ARIH2: variants seen among roughly 807,000 people sequenced by gnomAD.
ARIH2 encodes E3 ubiquitin-protein ligase ARIH2.
In ARIH2, 12 loss-of-function variants were observed where a neutral mutation model predicts 79.8. The observed-to-expected ratio is 0.15, with a 90% CI of 0.10 to 0.24. The LOEUF is 0.24. Among genes scored for constraint, ARIH2 ranks in the 10% least tolerant of loss-of-function variants. ARIH2 has a pLI of 1.00. For synonymous variants in ARIH2, 224 were observed against 213.9 expected (o/e 1.05, Z -0.41); for missense variants, 301 against 618.3 (o/e 0.49, Z 5.44).
chr3:48,941,013 C>CA (rs921476709), intron 3 of ARIH2, among the ~76,000 whole-genome samples: 17 of 147,888 alleles, frequency 1.1e-4, no homozygotes, highest in South Asian at 6.4e-4. Flanking sequence ...ACTGAAAATA[C>CA]AAAAAAAAAT....
At position 48,918,855 on chromosome 3, in the gene ARIH2, C is replaced by T. The variant is rs1267271495; in HGVS notation, c.-305C>T. ...CCAAGCACTTCCGGAGCTGTGGGGACGACTCTTCTGGAGGAAGCAGCGCGG... is the reference window on the plus strand; with the variant it reads ...CCAAGCACTTCCGGAGCTGTGGGGATGACTCTTCTGGAGGAAGCAGCGCGG... On this transcript the variant is annotated 5_prime_UTR_variant, in exon 1 of 16. It adds an upstream start codon to the 5' untranslated region. Coordinates refer to ENST00000356401, the MANE Select transcript of ARIH2 (RefSeq NM_006321.4). The T allele has an allele frequency of 5.6e-6, 9 of 1,610,860 alleles. No individual in the cohort carries two copies. The African/African-American group carries it at 8.0e-5, about 14-fold the overall frequency.
intron 1 of ARIH2, chr3:48,919,353 G>T (rs1576023897): frequency 4.9e-6 from 3 of 612,730 alleles, no homozygotes; most frequent in East Asian, 3.5e-5. Context: ...CTCTCGCAGC[G>T]CTGCCCGCGC....
chr3:48,980,578 T>C, intron 13 of ARIH2, 82 bp downstream of exon 13: 2 of 1,508,422 alleles, frequency 1.3e-6, no homozygotes, highest in Non-Finnish European at 1.8e-6. Context: ...GGAAGCTCTG[T>C]TGAAAGAGGG....
chr3:48,927,842 TC>T (rs764801893), intron 3 of ARIH2, 29 bp downstream of exon 3: 6 of 1,605,718 alleles, frequency 3.7e-6, no homozygotes, highest in Non-Finnish European at 4.3e-6. Context: ...TCCAGTGTAA[TC>T]CCCCCCAGTT....
intron 8 of ARIH2, among the ~76,000 whole-genome samples, chr3:48,971,054 T>C (rs910928237): frequency 2.6e-5 from 4 of 152,250 alleles, no homozygotes; most frequent in African/African-American, 9.6e-5. Context: ...AATCTTTCTC[T>C]GTCTTGGCCT....
intron 11 of ARIH2, among the ~76,000 whole-genome samples, chr3:48,977,406 A>T (rs947244768): frequency 6.6e-6 from 1 of 151,642 alleles, no homozygotes; most frequent in African/African-American, 2.4e-5. Flanking sequence ...CCCAGGTTCA[A>T]GCAATTATCC....
rs780942346 is a variant in ARIH2 at position 48,918,869 on chromosome 3, G to T, written c.-291G>T. The T allele has an allele frequency of 5.0e-6, 8 of 1,609,980 alleles. No homozygotes were observed. Among genetic ancestry groups the T allele is most frequent in the African/African-American group, 1.3e-5 (1 of 74,940 alleles). On this transcript the variant is annotated 5_prime_UTR_variant, in exon 1 of 16. Coordinates refer to ENST00000356401, the MANE Select transcript of ARIH2 (RefSeq NM_006321.4). ...AGCTGTGGGGACGACTCTTCTGGAG[G>T]AAGCAGCGCGGGCTTGACCGGCGTC...
rs1166521699 is a variant in ARIH2, at chr3:48,918,866, G to T, written c.-294G>T. On this transcript the variant is annotated 5_prime_UTR_variant, in exon 1 of 16. Transcript: ENST00000356401. ...CGGAGCTGTGGGGACGACTCTTCTG[G>T]AGGAAGCAGCGCGGGCTTGACCGGC... The T allele has an allele frequency of 1.2e-6, 2 of 1,610,392 alleles. No individual in the cohort carries two copies. Among genetic ancestry groups the T allele is most frequent in the Non-Finnish European group, 1.7e-6 (2 of 1,179,580 alleles).
At position 48,919,347 on chromosome 3, in the gene ARIH2, C is replaced by T. The variant is rs749416682; in HGVS notation, c.-162+349C>T. 5.0e-5 allele frequency: 32 copies of T among 641,642 alleles called. 1 individual carries two copies. The South Asian group carries it at 1.5e-3, about 31-fold the overall frequency. The allele number at this position is 641,642 out of a possible 1,614,324, so 39.7% of individuals were successfully genotyped here. A position where few individuals can be genotyped will look rare whatever the true frequency, so the allele number is the denominator to read the frequency against. On this transcript the variant is annotated intron_variant, in intron 1 of 15. Transcript: ENST00000356401. ...CACTCGAGTCATCTTTGGGAGCTCT[C>T]GCAGCGCTGCCCGCGCGGTTTAACG...
intron 3 of ARIH2, among the ~76,000 whole-genome samples, chr3:48,932,757 T>C (rs549141992): frequency 6.6e-6 from 1 of 152,188 alleles, no homozygotes; most frequent in East Asian, 1.9e-4. Flanking sequence ...GAAGTGAATG[T>C]TGTTCAGGGA....
At chr3:48,919,343 C>T in intron 1 of ARIH2, 1 of 664,672 alleles carries the variant, frequency 1.5e-6, no homozygotes, top group Non-Finnish European at 2.2e-6. Flanking sequence ...TCTTTGGGAG[C>T]TCTCGCAGCG....
In ARIH2 at chr3:48,982,931, C is replaced by A. The variant is rs749205332; in HGVS notation, c.1362C>A (p.Ile454=). ...EYQQAQLEAE[I]ENLSWKVERA... ...AGCAGGCTCAGCTGGAGGCTGAGAT[C>A]GAAAACCTCTCATGGAAAGTGGAGC... The change falls in exon 15 of 16, where the codon ATC becomes ATA. Residue 454 remains isoleucine (I), a synonymous_variant. Transcript: ENST00000356401. The A allele has an allele frequency of 3.1e-6, 5 of 1,614,044 alleles. No homozygotes were observed. In the South Asian group the frequency reaches 4.4e-5, roughly 14 times the overall value.
chr3:48,972,088 C>T (rs1421007397), intron 8 of ARIH2, among the ~76,000 whole-genome samples: 4 of 152,108 alleles, frequency 2.6e-5, no homozygotes, highest in East Asian at 1.9e-4. Context: ...ATGAGACTCC[C>T]GGAAGTGGGT....
chr3:48,946,108 G>A (rs529025289), intron 3 of ARIH2, among the ~76,000 whole-genome samples: 4 of 152,154 alleles, frequency 2.6e-5, no homozygotes, highest in Admixed American at 2.0e-4. Context: ...TGCTAACCAC[G>A]TCAGTAACAG....
At chr3:48,942,961 T>C (rs1272254216) in intron 3 of ARIH2, among the ~76,000 whole-genome samples, 1 of 152,002 alleles carries the variant, frequency 6.6e-6, no homozygotes, top group African/African-American at 2.4e-5. Context: ...CTAATTTTTG[T>C]ATTTATGGGG....
chr3:48,954,361 C>G (rs936403282), intron 3 of ARIH2, among the ~76,000 whole-genome samples: 4 of 151,378 alleles, frequency 2.6e-5, no homozygotes, highest in Non-Finnish European at 5.9e-5. Flanking sequence ...GGCGTGAACC[C>G]GGGAGGCAGA....
chr3:48,971,100 A>G (rs1387084360), intron 8 of ARIH2, among the ~76,000 whole-genome samples: 4 of 152,238 alleles, frequency 2.6e-5, no homozygotes, highest in Non-Finnish European at 5.9e-5. Context: ...AGTCATAAAT[A>G]TATTCTACAT....
chr3:48,969,116 G>GC (rs977292691), intron 7 of ARIH2, among the ~76,000 whole-genome samples: 4 of 151,446 alleles, frequency 2.6e-5, no homozygotes, highest in African/African-American at 7.3e-5. Context: ...CTCATGATCT[G>GC]CCCCCCTCGG....
chr3:48,952,091 T>A (rs2090033401), intron 3 of ARIH2, among the ~76,000 whole-genome samples: 1 of 152,246 alleles, frequency 6.6e-6, no homozygotes, highest in Non-Finnish European at 1.5e-5. Flanking sequence ...TTTAAATTTT[T>A]GTGTAGGCAT....
Sources: gnomAD v4.1 joint callset for allele counts (sites outside exome capture counted in the v4.1 genomes callset) on GRCh38, gnomAD v4.1.1 for gene constraint, MANE v1.5 for transcripts, NCBI Gene and HGNC (gene_info 2026-07-23, HGNC 2026-07-21) for gene names.